Variants in SFMBT1 observed in about 807,000 individuals in gnomAD.
SFMBT1 encodes the protein Scm like with four mbt domains 1.
Under a neutral mutation model 108.7 loss-of-function variants are expected in SFMBT1, and 32 were observed. The ratio of observed to expected loss-of-function variants is 0.29; its 90% CI spans 0.22 to 0.40. SFMBT1 has a LOEUF of 0.40. SFMBT1 is among the 10% of genes least tolerant of loss of function. The pLI, the probability that SFMBT1 is intolerant of heterozygous loss-of-function variation, is 1.00. For missense variants in SFMBT1, 816 were observed against 1,059.6 expected (o/e 0.77, Z 3.19); for synonymous variants, 348 against 369.5 (o/e 0.94, Z 0.67).
chr3:52,976,113 A>G (rs1331103353), intron 1 of SFMBT1, among the ~76,000 whole-genome samples: 16 of 152,204 alleles, frequency 1.1e-4, no homozygotes, highest in East Asian at 5.8e-4. Flanking sequence ...CTTCTATCAA[A>G]ATATTAAGCC....
Position 52,941,552 on chromosome 3 carries a change from C to A in SFMBT1, c.364+1801G>T, listed in dbSNP as rs577060387. Among the ~76,000 whole-genome samples, 198 of 128,442 alleles carry A rather than the reference C, an allele frequency of 1.5e-3. 1 individual carries two copies. The highest frequency in any genetic ancestry group is 5.6e-3 in the African/African-American group (192 of 34,360). 84.3% of individuals were successfully genotyped at this position (128,442 alleles called of 152,430 possible). Reference sequence around the variant, plus strand: ...GAGGCTGCAGTGAGCTGAGATTGCGCCATTGCACTCCAGCCTGGGCAACAG... The same window carrying A: ...GAGGCTGCAGTGAGCTGAGATTGCGACATTGCACTCCAGCCTGGGCAACAG... On this transcript the variant is annotated intron_variant, in intron 4 of 20. Transcript: ENST00000394752.
intron 1 of SFMBT1, among the ~76,000 whole-genome samples, chr3:53,008,835 C>G (rs1250330932): frequency 6.6e-6 from 1 of 152,022 alleles, no homozygotes; most frequent in Non-Finnish European, 1.5e-5. Flanking sequence ...CGGGGTTTCA[C>G]CGTGTTAGCC....
In SFMBT1 at chr3:52,904,325, T is replaced by G. The variant is rs567629807; in HGVS notation, c.*811A>C. On this transcript the variant is annotated 3_prime_UTR_variant, in exon 21 of 21. Coordinates refer to ENST00000394752, the MANE Select transcript of SFMBT1 (RefSeq NM_016329.4). ...GTTACTTAACACAGGCAGCCTCGGC[T>G]GGGTCAAGATGGAGAACAGTAACAG... 4.8e-4 allele frequency: 73 copies of G among 152,242 alleles called. No homozygotes were observed. Among genetic ancestry groups the G allele is most frequent in the African/African-American group, 1.6e-3 (66 of 41,458 alleles). 9.4% of individuals were successfully genotyped at this position (152,242 alleles called of 1,614,324 possible). A position where few individuals can be genotyped will look rare whatever the true frequency, so the allele number is the denominator to read the frequency against.
intron 1 of SFMBT1, among the ~76,000 whole-genome samples, chr3:52,999,663 TG>T (rs1288064562): frequency 4.7e-5 from 7 of 149,122 alleles, no homozygotes; most frequent in Non-Finnish European, 1.1e-4. Context: ...ATGAGGGGAG[TG>T]GGCCACATGA....
intron 1 of SFMBT1, among the ~76,000 whole-genome samples, chr3:52,984,667 C>T (rs974843733): frequency 2.0e-5 from 3 of 147,548 alleles, no homozygotes; most frequent in Non-Finnish European, 3.0e-5. Context: ...ATAATGAATA[C>T]TATATTGAAT....
chr3:52,907,085 T>G lies in SFMBT1; in HGVS notation c.2315A>C (p.Lys772Thr). 6.2e-7 allele frequency: 1 copy of G among 1,612,180 alleles called. No individual in the cohort carries two copies. Among genetic ancestry groups the G allele is most frequent in the African/African-American group, 1.3e-5 (1 of 74,868 alleles). ...AAATGGTACCTTTGGTGAAGGAGGTTTATTTTCATCGTCAGAAAATGAAAA... is the reference window on the plus strand; with the variant it reads ...AAATGGTACCTTTGGTGAAGGAGGTGTATTTTCATCGTCAGAAAATGAAAA... Reference protein sequence around the residue: ...RTFSFSDDENKPPSPKEIRIE... With the variant: ...RTFSFSDDENTPPSPKEIRIE... Residue 772 changes from lysine (K) to threonine (T), a missense_variant, in exon 19 of 21, where the codon AAA (lysine) becomes ACA (threonine). This residue lies in a region of SFMBT1 where 177 missense variants were observed against 182.0 expected (regional missense o/e 0.97). Transcript: ENST00000394752.
At chr3:52,951,126 A>AAAAAAAG (rs71087039) in intron 3 of SFMBT1, among the ~76,000 whole-genome samples, 26,921 of 133,896 alleles carry the variant, frequency 0.2, 3,515 homozygotes, top group East Asian at 0.28. Context: ...TAAAAAAAAA[A>AAAAAAAG]AAAAAAGAAA....
intron 17 of SFMBT1, 65 bp downstream of exon 17, chr3:52,910,938 A>G: frequency 6.5e-7 from 1 of 1,528,506 alleles, no homozygotes; most frequent in East Asian, 2.3e-5. Flanking sequence ...GTAAAGTAAA[A>G]AACTTTCCAA....
intron 1 of SFMBT1, among the ~76,000 whole-genome samples, chr3:52,973,929 G>A (rs955963028): frequency 3.9e-5 from 6 of 152,206 alleles, no homozygotes; most frequent in African/African-American, 1.4e-4. Context: ...CCTAGTAGTA[G>A]TAACCTGGCT....
intron 1 of SFMBT1, among the ~76,000 whole-genome samples, chr3:52,975,601 ATTTT>A: frequency 6.6e-6 from 1 of 151,984 alleles, no homozygotes; most frequent in East Asian, 1.9e-4. Context: ...GAAGCTGAGA[ATTTT>A]TTTGTTTGTT....
At chr3:53,016,935 T>C (rs1699145351) in intron 1 of SFMBT1, among the ~76,000 whole-genome samples, 1 of 152,234 alleles carries the variant, frequency 6.6e-6, no homozygotes, top group Non-Finnish European at 1.5e-5. Context: ...ATTGGAAAGA[T>C]CCAATTTCCT....
At chr3:52,965,561 G>A (rs1445829536) in intron 2 of SFMBT1, among the ~76,000 whole-genome samples, 3 of 152,064 alleles carry the variant, frequency 2.0e-5, no homozygotes, top group South Asian at 2.1e-4. Context: ...GAAAGAAGTA[G>A]CACAATTATT....
chr3:53,011,378 A>G (rs920872124), intron 1 of SFMBT1, among the ~76,000 whole-genome samples: 5 of 152,212 alleles, frequency 3.3e-5, no homozygotes, highest in Non-Finnish European at 7.3e-5. Context: ...ATCTGCTGGC[A>G]TAGATAACGA....
rs1302119904 is a variant in SFMBT1, at chr3:52,912,575, A to C, written c.1693T>G (p.Ser565Ala). 1 of 1,614,158 alleles carries C rather than the reference A, an allele frequency of 6.2e-7. No homozygotes were observed. The highest frequency in any genetic ancestry group is 1.7e-5 in the Admixed American group (1 of 60,026). Residue 565 changes from serine to alanine, a missense_variant, in exon 16 of 21, where the codon TCT becomes GCT. Physicochemically the swap from Ser to Ala is moderately conservative, Grantham distance 99. Coordinates refer to ENST00000394752, the MANE Select transcript of SFMBT1 (RefSeq NM_016329.4). Reference protein sequence around the residue: ...VLRELQLDKDSVWHGCGEVLK... With the variant: ...VLRELQLDKDAVWHGCGEVLK... ...ACTTCCCCACATCCGTGCCACACAGAGTCTTTGTCCAGCTGGAGCTCCCGA... is the reference window on the plus strand; with the variant it reads ...ACTTCCCCACATCCGTGCCACACAGCGTCTTTGTCCAGCTGGAGCTCCCGA...
At chr3:52,906,335 T>C in intron 19 of SFMBT1, 94 bp from the exon 20 acceptor site, 1 of 1,583,652 alleles carries the variant, frequency 6.3e-7, no homozygotes, top group African/African-American at 1.3e-5. Context: ...TTTCAAGACA[T>C]GATTTAAAGT....
intron 1 of SFMBT1, among the ~76,000 whole-genome samples, chr3:53,039,425 A>C (rs1444556708): frequency 6.6e-6 from 1 of 152,218 alleles, no homozygotes; most frequent in African/African-American, 2.4e-5. Context: ...AATCATAAAG[A>C]CAGAAAGTAG....
chr3:52,977,289 T>A (rs1230844075), intron 1 of SFMBT1, among the ~76,000 whole-genome samples: 1 of 152,088 alleles, frequency 6.6e-6, no homozygotes, highest in East Asian at 1.9e-4. Context: ...GGCAGGTGGA[T>A]CACGAGGTCA....
At position 53,010,699 on chromosome 3, in the gene SFMBT1, G is replaced by A. The variant is rs79395454; in HGVS notation, c.-131+35117C>T. ...AGTACTTGTTTGACAGTACCTGACT[G>A]AGAAAGTGACAAACATCTCTGTATA... is the stretch of plus-strand genomic sequence containing the variant. On this transcript the variant is annotated intron_variant, in intron 1 of 20. Coordinates refer to ENST00000394752, the MANE Select transcript of SFMBT1 (RefSeq NM_016329.4). Among the ~76,000 whole-genome samples, 14 of 152,250 alleles carry A rather than the reference G, an allele frequency of 9.2e-5. No individual in the cohort carries two copies. In the East Asian group the frequency reaches 2.7e-3, roughly 29 times the overall value.
intron 3 of SFMBT1, among the ~76,000 whole-genome samples, chr3:52,953,582 G>A (rs1703667322): frequency 6.6e-6 from 1 of 152,146 alleles, no homozygotes; most frequent in South Asian, 2.1e-4. Context: ...ATAAAACCAG[G>A]CTGCACAGGC....
Sources: allele counts gnomAD v4.1 joint callset (sites outside exome capture counted in the v4.1 genomes callset), GRCh38; gene constraint gnomAD v4.1.1; regional missense constraint gnomAD v4.1.1; transcripts MANE v1.5; gene names NCBI Gene and HGNC (gene_info 2026-07-23, HGNC 2026-07-21).